CHN2: variants seen among roughly 807,000 people sequenced by gnomAD.
The protein encoded by CHN2 is chimerin 2.
In CHN2, 35 loss-of-function variants were observed where a neutral mutation model predicts 56.3. The ratio of observed to expected loss-of-function variants is 0.62; its 90% confidence interval spans 0.47 to 0.82. CHN2 has a LOEUF of 0.82. Ranked by LOEUF, CHN2 falls within the 40% of genes least tolerant of loss-of-function variation. The pLI, the probability that CHN2 is intolerant of heterozygous loss-of-function variation, is 0.00. For synonymous variants in CHN2, 210 were observed against 212.8 expected (o/e 0.99, Z 0.12); for missense variants, 491 against 580.5 (o/e 0.85, Z 1.58).
chr7:29,212,994 C>A, intron 1 of CHN2: 1 of 1,580,898 alleles, frequency 6.3e-7, no homozygotes, highest in Non-Finnish European at 8.7e-7. Context: ...AGTCCTGGAA[C>A]AATCAGGCCT....
intron 1 of CHN2, chr7:29,195,267 C>G (rs1284972443): frequency 7.6e-6 from 3 of 395,868 alleles, no homozygotes; most frequent in Non-Finnish European, 1.3e-5. Context: ...GAGCGAAAAG[C>G]GAAAGGAGCG....
chr7:29,233,917 T>G (rs1786947323), intron 1 of CHN2, among the ~76,000 whole-genome samples: 1 of 130,852 alleles, frequency 7.6e-6, no homozygotes, highest in Non-Finnish European at 1.6e-5. Context: ...CACTGCAAGC[T>G]CCGCCTCCCG....
intron 1 of CHN2, among the ~76,000 whole-genome samples, chr7:29,352,424 C>A (rs935253089): frequency 1.3e-4 from 19 of 151,872 alleles, no homozygotes; most frequent in Admixed American, 7.9e-4. Flanking sequence ...ATGCCTTCAA[C>A]ATTTTAACAT....
intron 2 of CHN2, among the ~76,000 whole-genome samples, chr7:29,361,771 T>TA (rs1371681186): frequency 6.6e-6 from 1 of 152,360 alleles, no homozygotes; most frequent in African/African-American, 2.4e-5. Context: ...TTTATTTGTA[T>TA]AGTAGCATCT....
intron 1 of CHN2, among the ~76,000 whole-genome samples, chr7:29,346,093 G>T (rs187033055): frequency 1.3e-5 from 2 of 152,246 alleles, no homozygotes; most frequent in Admixed American, 1.3e-4. Flanking sequence ...GCATTAGCAA[G>T]CAAGGTCTCT....
chr7:29,209,809 A>G (rs1784783268), intron 1 of CHN2, among the ~76,000 whole-genome samples: 1 of 152,224 alleles, frequency 6.6e-6, no homozygotes, highest in African/African-American at 2.4e-5. Flanking sequence ...AGTCCAGTGG[A>G]ATAAATGTAT....
intron 1 of CHN2, among the ~76,000 whole-genome samples, chr7:29,272,248 C>T (rs1182865282): frequency 6.6e-6 from 1 of 152,142 alleles, no homozygotes; most frequent in African/African-American, 2.4e-5. Flanking sequence ...TCTAAACTCA[C>T]CTCCCTCCTG....
At chr7:29,249,476 A>G (rs1424223537) in intron 1 of CHN2, among the ~76,000 whole-genome samples, 2 of 152,240 alleles carry the variant, frequency 1.3e-5, no homozygotes, top group Non-Finnish European at 2.9e-5. Context: ...TAACCCACTC[A>G]GACTCACATG....
At chr7:29,342,088 G>A (rs1421477714) in intron 1 of CHN2, among the ~76,000 whole-genome samples, 1 of 152,144 alleles carries the variant, frequency 6.6e-6, no homozygotes, top group Non-Finnish European at 1.5e-5. Flanking sequence ...TGGACTGAAG[G>A]CACCTTGAAA....
intron 2 of CHN2, among the ~76,000 whole-genome samples, chr7:29,162,836 CAG>C (rs1440595681): frequency 1.3e-5 from 2 of 152,252 alleles, no homozygotes; most frequent in East Asian, 1.9e-4. Flanking sequence ...CTAACTATAA[CAG>C]AGCAGCACTA....
chr7:29,270,857 A>G (rs1790579192), intron 1 of CHN2, among the ~76,000 whole-genome samples: 1 of 106,808 alleles, frequency 9.4e-6, no homozygotes, highest in South Asian at 3.2e-4. Context: ...CCAAGAGAAA[A>G]AGATGGCTTT....
At chr7:29,212,460 C>T (rs1370382716) in intron 1 of CHN2, 2 of 1,597,506 alleles carry the variant, frequency 1.3e-6, no homozygotes, top group Admixed American at 1.7e-5. Flanking sequence ...TGTCTCTCCT[C>T]TTCTTCCTCC....
At chr7:29,309,938 C>T (rs1187182579) in intron 1 of CHN2, among the ~76,000 whole-genome samples, 1 of 152,132 alleles carries the variant, frequency 6.6e-6, no homozygotes, top group Admixed American at 6.5e-5. Flanking sequence ...GTGCCTGTAC[C>T]CTGGAAGCAC....
intron 1 of CHN2, among the ~76,000 whole-genome samples, chr7:29,269,450 T>C (rs1790436603): frequency 6.6e-6 from 1 of 152,224 alleles, no homozygotes; most frequent in African/African-American, 2.4e-5. Flanking sequence ...TCCATGCACC[T>C]GTTGATGGAC....
intron 1 of CHN2, among the ~76,000 whole-genome samples, chr7:29,304,585 C>T (rs987157319): frequency 1.2e-4 from 18 of 152,294 alleles, no homozygotes; most frequent in African/African-American, 3.9e-4. Context: ...CAGGTTTTGC[C>T]TGGGTACCCA....
chr7:29,253,622 T>C (rs1432775151), intron 1 of CHN2, among the ~76,000 whole-genome samples: 2 of 152,200 alleles, frequency 1.3e-5, no homozygotes, highest in Non-Finnish European at 2.9e-5. Context: ...GCCTTCCAAC[T>C]ATAGGATTCA....
chr7:29,242,759 G>GA (rs57273690), intron 1 of CHN2, among the ~76,000 whole-genome samples: 5,303 of 59,520 alleles, frequency 0.089, 1,126 homozygotes, highest in African/African-American at 0.13. Flanking sequence ...CTTTCCTTCT[G>GA]AAAAAAAAAA....
intron 1 of CHN2, among the ~76,000 whole-genome samples, chr7:29,312,687 A>T (rs916838389): frequency 6.6e-6 from 1 of 152,128 alleles, no homozygotes; most frequent in Non-Finnish European, 1.5e-5. Flanking sequence ...GCTCTGAAAA[A>T]AATTTGCTTC....
At chr7:29,163,158 A>G (rs186036612) in intron 2 of CHN2, among the ~76,000 whole-genome samples, 76 of 152,208 alleles carry the variant, frequency 5.0e-4, no homozygotes, top group Middle Eastern at 6.8e-3. Flanking sequence ...AAGATACTCA[A>G]TTCTATTATG....
Sources: gnomAD v4.1 joint callset for allele counts (sites outside exome capture counted in the v4.1 genomes callset) on GRCh38, gnomAD v4.1.1 for gene constraint, MANE v1.5 for transcripts, NCBI Gene and HGNC (gene_info 2026-07-23, HGNC 2026-07-21) for gene names.